USP38: variants seen among roughly 807,000 people sequenced by gnomAD.
USP38 encodes ubiquitin specific peptidase 38.
USP38 carries 49 observed loss-of-function variants against 94.3 expected under a neutral mutation model. That is an observed-to-expected ratio of 0.52 (90% CI 0.41 to 0.66). The LOEUF is 0.66. USP38 is among the 30% of genes least tolerant of loss of function. The pLI is 0.00. For synonymous variants in USP38, 468 were observed against 463.6 expected, an observed-to-expected ratio of 1.01 and a Z score of -0.12; for missense variants, 1,128 against 1,229.4, an observed-to-expected ratio of 0.92 and a Z score of 1.23.
At chr4:143,216,958 C>T (rs530849291) in intron 9 of USP38, among the ~76,000 whole-genome samples, 125 of 152,182 alleles carry the variant, frequency 8.2e-4, no homozygotes, top group African/African-American at 2.6e-3. Context: ...TACAGGCATA[C>T]GCCAACGTGC....
intron 2 of USP38, among the ~76,000 whole-genome samples, chr4:143,191,644 G>C (rs988030772): frequency 1.3e-5 from 2 of 152,124 alleles, no homozygotes; most frequent in African/African-American, 4.8e-5. Flanking sequence ...GCTATATAAA[G>C]AAATGCTTTA....
intron 6 of USP38, among the ~76,000 whole-genome samples, chr4:143,206,955 T>C (rs1040307633): frequency 6.6e-6 from 1 of 152,230 alleles, no homozygotes; most frequent in African/African-American, 2.4e-5. Context: ...AGGGCAATAA[T>C]TACTGAACAC....
At chr4:143,199,479 A>G (rs1332478187) in intron 4 of USP38, among the ~76,000 whole-genome samples, 1 of 148,332 alleles carries the variant, frequency 6.7e-6, no homozygotes, top group Admixed American at 6.7e-5. Context: ...AGAATGATTT[A>G]TATTCCTCTT....
Position 143,197,857 on chromosome 4 carries a change from C to T in USP38, c.983C>T (p.Pro328Leu). ...CGACTTTGGTTTCCTCTTGTGAGAC[C>T]TGGTGCTCTTGCAGTTCTTTCTCAC... Reference protein sequence around the residue: ...FNRLWFPLVRPGALAVLSHML... With the variant: ...FNRLWFPLVRLGALAVLSHML... Residue 328 changes from proline (P) to leucine (L), a missense_variant, in exon 4 of 10, where the codon CCT (proline) becomes CTT (leucine). Coordinates refer to ENST00000307017, the MANE Select transcript of USP38 (RefSeq NM_032557.6). The T allele has an allele frequency of 6.2e-7, 1 of 1,613,816 alleles. No homozygotes were observed. The highest frequency in any genetic ancestry group is 1.3e-5 in the African/African-American group (1 of 75,030).
In USP38 at chr4:143,185,701, T is replaced by A; in HGVS notation, c.251T>A (p.Phe84Tyr). 6.2e-7 allele frequency: 1 copy of A among 1,614,074 alleles called. No individual in the cohort carries two copies. The highest frequency in any genetic ancestry group is 8.5e-7 in the Non-Finnish European group (1 of 1,180,006). The change falls in exon 1 of 10, where the codon TTC becomes TAC. Residue 84 changes from phenylalanine (F) to tyrosine (Y), a missense_variant. Phe to Tyr is a conservative substitution (Grantham distance 22). Transcript: ENST00000307017. Reference sequence around the variant, plus strand: ...TTCGAGTCCTTCTTCAACAAGACCTTCGTGTTGGGCCTCCTTCATCAGGGC... The same window carrying A: ...TTCGAGTCCTTCTTCAACAAGACCTACGTGTTGGGCCTCCTTCATCAGGGC... ...PEFESFFNKT[F>Y]VLGLLHQGYH...
At position 143,186,061 on chromosome 4, in the gene USP38, A is replaced by G. The variant is rs781687540; in HGVS notation, c.611A>G (p.Asn204Ser). 3 of 1,614,208 alleles carry G rather than the reference A, an allele frequency of 1.9e-6. No homozygotes were observed. Among genetic ancestry groups the G allele is most frequent in the South Asian group, 2.2e-5 (2 of 91,078 alleles). ...ACAAAAGTGAGTAACTTGCTGCAGA[A>G]CATCTGGAAGGCCGAGCCTGCCACA... ...QVTKVSNLLQNIWKAEPATLL... is the reference protein window; with the variant it reads ...QVTKVSNLLQSIWKAEPATLL... The change falls in exon 1 of 10, where the codon AAC (asparagine) becomes AGC (serine). Residue 204 changes from asparagine (N) to serine (S), a missense_variant. Asn to Ser is a conservative substitution (Grantham distance 46). Transcript: ENST00000307017.
intron 7 of USP38, among the ~76,000 whole-genome samples, chr4:143,211,075 A>T: frequency 6.6e-6 from 1 of 151,906 alleles, no homozygotes; most frequent in East Asian, 1.9e-4. Context: ...TGTATTTATT[A>T]TATATAAAAT....
At chr4:143,202,036 C>G (rs1385548213) in intron 4 of USP38, among the ~76,000 whole-genome samples, 2 of 152,124 alleles carry the variant, frequency 1.3e-5, no homozygotes, top group Non-Finnish European at 2.9e-5. Flanking sequence ...ATAATTACTT[C>G]TAAAATTTTT....
Position 143,214,814 on chromosome 4 carries a change from T to TA in USP38, c.2844dup (p.Gln949ThrfsTer3). 1 of 1,613,684 alleles carries TA rather than the reference T, an allele frequency of 6.2e-7. No individual in the cohort carries two copies. Among genetic ancestry groups the TA allele is most frequent in the Non-Finnish European group, 8.5e-7 (1 of 1,179,766 alleles). On this transcript the variant is annotated frameshift_variant, in exon 9 of 10. Coordinates refer to ENST00000307017, the MANE Select transcript of USP38 (RefSeq NM_032557.6). LOFTEE classifies it high-confidence loss of function. Reference sequence around the variant, plus strand: ...AGGACACAGCTTATGTGCTTTTGTATAAAAAACAGCATAGTACTAATGGTT... The same window carrying TA: ...AGGACACAGCTTATGTGCTTTTGTATAAAAAAACAGCATAGTACTAATGGTT...
At chr4:143,213,158 C>G (rs1191121867) in intron 8 of USP38, among the ~76,000 whole-genome samples, 1 of 152,030 alleles carries the variant, frequency 6.6e-6, no homozygotes, top group Non-Finnish European at 1.5e-5. Context: ...TCTGTATCTC[C>G]CTGTCTTTGT....
chr4:143,192,109 T>C (rs955397353), intron 2 of USP38, among the ~76,000 whole-genome samples: 2 of 152,242 alleles, frequency 1.3e-5, no homozygotes, highest in African/African-American at 4.8e-5. Flanking sequence ...TAACTTTTCT[T>C]TCCTTTTTAA....
Position 143,221,263 on chromosome 4 carries a change from A to C in USP38, c.*807A>C, listed in dbSNP as rs2149615341. On this transcript the variant is annotated 3_prime_UTR_variant, in exon 10 of 10. Transcript: ENST00000307017. Reference sequence around the variant, plus strand: ...CAAAAATAGGAATCTTTGGCTGCAAAATTTTAATGAAATGTTAGGAAGTAA... The same window carrying C: ...CAAAAATAGGAATCTTTGGCTGCAACATTTTAATGAAATGTTAGGAAGTAA... 6.5e-6 allele frequency: 1 copy of C among 152,678 alleles called. No homozygotes were observed. Among genetic ancestry groups the C allele is most frequent in the East Asian group, 1.9e-4 (1 of 5,186 alleles). The allele number at this position is 152,678 out of a possible 1,614,324, so 9.5% of individuals were successfully genotyped here.
At position 143,220,491 on chromosome 4, in the gene USP38, C is replaced by T. The variant is rs767745669; in HGVS notation, c.*35C>T. 7 of 1,560,790 alleles carry T rather than the reference C, an allele frequency of 4.5e-6. No homozygotes were observed. Among genetic ancestry groups the T allele is most frequent in the Admixed American group, 3.9e-5 (2 of 51,876 alleles). ...AGTCCAAAATGCACTGGTCACGAAA[C>T]GTCTAATACTATGACTGTTAAAATG... On this transcript the variant is annotated 3_prime_UTR_variant, in exon 10 of 10. Coordinates refer to ENST00000307017, the MANE Select transcript of USP38 (RefSeq NM_032557.6).
intron 4 of USP38, among the ~76,000 whole-genome samples, chr4:143,199,666 A>G (rs1208587909): frequency 6.6e-6 from 1 of 152,046 alleles, no homozygotes; most frequent in Non-Finnish European, 1.5e-5. Flanking sequence ...CTTTTTAATG[A>G]TAGCCATTCT....
intron 2 of USP38, among the ~76,000 whole-genome samples, chr4:143,195,107 A>G (rs1731506989): frequency 6.6e-6 from 1 of 152,186 alleles, no homozygotes; most frequent in Non-Finnish European, 1.5e-5. Flanking sequence ...TACATTTCAT[A>G]TTAGACTGTA....
chr4:143,190,382 C>T (rs1387385071), intron 2 of USP38, among the ~76,000 whole-genome samples: 1 of 151,974 alleles, frequency 6.6e-6, no homozygotes, highest in African/African-American at 2.4e-5. Context: ...GATAATTTAC[C>T]CAAGCTCGTT....
intron 9 of USP38, among the ~76,000 whole-genome samples, chr4:143,216,081 C>G (rs895375041): frequency 2.6e-5 from 4 of 152,020 alleles, no homozygotes; most frequent in African/African-American, 9.7e-5. Flanking sequence ...ACTCTCATTT[C>G]TGTGATTAGA....
intron 2 of USP38, among the ~76,000 whole-genome samples, chr4:143,188,800 C>T (rs754403218): frequency 6.6e-6 from 1 of 151,982 alleles, no homozygotes; most frequent in Non-Finnish European, 1.5e-5. Context: ...GTTGGGGAGG[C>T]AGACAGTAAT....
At chr4:143,194,163 A>G (rs1731477550) in intron 2 of USP38, among the ~76,000 whole-genome samples, 2 of 152,238 alleles carry the variant, frequency 1.3e-5, no homozygotes. Flanking sequence ...CTTAGTGTTT[A>G]TATTTACATT....
Sources: gnomAD v4.1 joint callset for allele counts (sites outside exome capture counted in the v4.1 genomes callset) on GRCh38, gnomAD v4.1.1 for gene constraint, MANE v1.5 for transcripts, NCBI Gene and HGNC (gene_info 2026-07-23, HGNC 2026-07-21) for gene names.